The following MAML3 variants were observed in gnomAD, a reference collection of about 807,000 sequenced individuals.
The protein encoded by MAML3 is mastermind like transcriptional coactivator 3.
MAML3 carries 27 observed loss-of-function variants against 101.9 expected under a neutral mutation model. That is an observed-to-expected ratio of 0.27 (90% CI 0.20 to 0.37). The LOEUF (loss-of-function observed/expected upper bound fraction) is 0.37, where lower values mean the gene tolerates loss of function less well. Ranked by LOEUF, MAML3 falls within the 10% of genes least tolerant of loss-of-function variation. MAML3 has a pLI of 1.00. For synonymous variants in MAML3, 501 were observed against 555.9 expected, an observed-to-expected ratio of 0.90 and a Z score of 1.39; for missense variants, 1,316 against 1,444.9, an observed-to-expected ratio of 0.91 and a Z score of 1.45.
At chr4:140,139,433 T>G (rs1241228900) in intron 1 of MAML3, among the ~76,000 whole-genome samples, 1 of 152,060 alleles carries the variant, frequency 6.6e-6, no homozygotes, top group Non-Finnish European at 1.5e-5. Flanking sequence ...GGCTCATGCC[T>G]ATCAACCCAG....
chr4:139,967,307 G>C (rs1156595631), intron 1 of MAML3, among the ~76,000 whole-genome samples: 1 of 152,040 alleles, frequency 6.6e-6, no homozygotes, highest in Non-Finnish European at 1.5e-5. Flanking sequence ...TCTCTTCACT[G>C]GTGCCCTTCC....
intron 2 of MAML3, among the ~76,000 whole-genome samples, chr4:139,761,656 A>G (rs956651017): frequency 2.6e-5 from 4 of 152,240 alleles, no homozygotes; most frequent in African/African-American, 7.2e-5. Flanking sequence ...GACAGGGGCT[A>G]AAAAGATGAA....
At chr4:140,014,898 C>T (rs1382648304) in intron 1 of MAML3, among the ~76,000 whole-genome samples, 1 of 152,094 alleles carries the variant, frequency 6.6e-6, no homozygotes, top group Non-Finnish European at 1.5e-5. Flanking sequence ...GGCATTATTT[C>T]ATAAAAGTAG....
intron 1 of MAML3, among the ~76,000 whole-genome samples, chr4:140,009,049 T>A (rs1251225067): frequency 1.3e-5 from 2 of 152,248 alleles, no homozygotes; most frequent in Admixed American, 1.3e-4. Context: ...ACAGTTAATT[T>A]CCGTGACTTT....
At chr4:140,091,988 C>T (rs1728059438) in intron 1 of MAML3, among the ~76,000 whole-genome samples, 1 of 151,104 alleles carries the variant, frequency 6.6e-6, no homozygotes, top group South Asian at 2.1e-4. Flanking sequence ...CTATACACTC[C>T]AAAAAGCAGT....
intron 2 of MAML3, among the ~76,000 whole-genome samples, chr4:139,736,434 G>T (rs1004325961): frequency 4.6e-5 from 7 of 152,184 alleles, no homozygotes; most frequent in Non-Finnish European, 1.0e-4. Context: ...GCTAGACAGA[G>T]GCGCCTGGCT....
chr4:139,944,213 T>C (rs1733662227), intron 1 of MAML3, among the ~76,000 whole-genome samples: 1 of 152,054 alleles, frequency 6.6e-6, no homozygotes, highest in African/African-American at 2.4e-5. Context: ...AGTTTTAAGG[T>C]ACATGTGCAC....
intron 2 of MAML3, among the ~76,000 whole-genome samples, chr4:139,771,221 G>T (rs1183900659): frequency 6.6e-6 from 1 of 152,190 alleles, no homozygotes; most frequent in African/African-American, 2.4e-5. Context: ...AGAGGGTTTT[G>T]GGCAGCCATT....
intron 1 of MAML3, among the ~76,000 whole-genome samples, chr4:139,925,596 G>A (rs1263739168): frequency 1.3e-5 from 2 of 152,274 alleles, no homozygotes; most frequent in African/African-American, 4.8e-5. Context: ...AAAACTGAGA[G>A]TATAAAAATA....
intron 1 of MAML3, among the ~76,000 whole-genome samples, chr4:140,132,834 A>C (rs1410269908): frequency 6.6e-6 from 1 of 152,256 alleles, no homozygotes; most frequent in African/African-American, 2.4e-5. Context: ...TTTCACAAAG[A>C]CATAGCTTTA....
chr4:140,113,123 G>GA (rs1728465229), intron 1 of MAML3, among the ~76,000 whole-genome samples: 2 of 151,804 alleles, frequency 1.3e-5, no homozygotes, highest in African/African-American at 2.4e-5. Flanking sequence ...CTAAAAAATA[G>GA]AAAAAATCAG....
At chr4:139,983,240 C>G (rs1389535626) in intron 1 of MAML3, among the ~76,000 whole-genome samples, 1 of 152,156 alleles carries the variant, frequency 6.6e-6, no homozygotes, top group African/African-American at 2.4e-5. Context: ...CTAAAACATC[C>G]CTGTGCTTCG....
intron 1 of MAML3, among the ~76,000 whole-genome samples, chr4:139,955,765 G>A (rs578040966): frequency 6.6e-6 from 1 of 152,160 alleles, no homozygotes; most frequent in African/African-American, 2.4e-5. Context: ...GTAGTTAACT[G>A]GGAGTCATGT....
chr4:140,082,298 T>C (rs1727871187), intron 1 of MAML3, among the ~76,000 whole-genome samples: 1 of 152,212 alleles, frequency 6.6e-6, no homozygotes. Context: ...GTCATCTCCA[T>C]ATGTTCTCAT....
At chr4:139,808,867 G>A (rs2111110019) in intron 2 of MAML3, among the ~76,000 whole-genome samples, 1 of 152,282 alleles carries the variant, frequency 6.6e-6, no homozygotes, top group South Asian at 2.1e-4. Flanking sequence ...CTGAGACAAG[G>A]GGTGTGCGTG....
intron 1 of MAML3, among the ~76,000 whole-genome samples, chr4:139,907,100 A>T (rs1732835115): frequency 6.6e-6 from 1 of 152,266 alleles, no homozygotes; most frequent in South Asian, 2.1e-4. Context: ...TTGCATTCAC[A>T]TGCTTATCAG....
At chr4:139,931,224 G>A (rs1290651935) in intron 1 of MAML3, among the ~76,000 whole-genome samples, 3 of 152,084 alleles carry the variant, frequency 2.0e-5, no homozygotes, top group Non-Finnish European at 4.4e-5. Context: ...CAAGTCCCAG[G>A]CGCCACACAG....
intron 1 of MAML3, among the ~76,000 whole-genome samples, chr4:140,048,988 T>C (rs1350725311): frequency 6.6e-6 from 1 of 152,114 alleles, no homozygotes; most frequent in Non-Finnish European, 1.5e-5. Context: ...CAAAGATTCA[T>C]AGCAAGAGAG....
intron 1 of MAML3, among the ~76,000 whole-genome samples, chr4:139,964,224 GTGGT>G (rs1174999269): frequency 6.6e-6 from 1 of 152,162 alleles, no homozygotes; most frequent in East Asian, 1.9e-4. Flanking sequence ...TAAAGAACAT[GTGGT>G]ACATATACAA....
Sources: gnomAD v4.1 joint callset for allele counts (sites outside exome capture counted in the v4.1 genomes callset) on GRCh38, gnomAD v4.1.1 for gene constraint, MANE v1.5 for transcripts, NCBI Gene and HGNC (gene_info 2026-07-23, HGNC 2026-07-21) for gene names.